GPC5: variants seen among roughly 807,000 people sequenced by gnomAD.
The protein encoded by GPC5 is glypican 5, also known as glypican-5.
GPC5 carries 47 observed loss-of-function variants against 53.9 expected under a neutral mutation model. That is an observed-to-expected ratio of 0.87 (90% confidence interval 0.69 to 1.11). GPC5 has a LOEUF of 1.11. Ranked by LOEUF, GPC5 falls within the 50% of genes most tolerant of loss-of-function variation. GPC5 has a pLI of 0.00. For synonymous variants in GPC5, 286 were observed against 263.3 expected, an observed-to-expected ratio of 1.09 and a Z score of -0.84; for missense variants, 748 against 713.1, an observed-to-expected ratio of 1.05 and a Z score of -0.56.
chr13:92,718,547 C>T (rs771241032), intron 7 of GPC5, among the ~76,000 whole-genome samples: 2 of 151,926 alleles, frequency 1.3e-5, no homozygotes, highest in Non-Finnish European at 2.9e-5. Flanking sequence ...TTATCAGGGG[C>T]TGGGAAGGGT....
At chr13:91,758,027 T>G (rs1267689212) in intron 5 of GPC5, among the ~76,000 whole-genome samples, 1 of 152,180 alleles carries the variant, frequency 6.6e-6, no homozygotes, top group South Asian at 2.1e-4. Flanking sequence ...TATCTGAATA[T>G]CTCATAGAGA....
intron 7 of GPC5, among the ~76,000 whole-genome samples, chr13:92,573,285 C>T (rs1351719167): frequency 6.6e-6 from 1 of 152,114 alleles, no homozygotes; most frequent in Non-Finnish European, 1.5e-5. Context: ...ATATAGTGAG[C>T]ATTTAATAGG....
chr13:91,915,437 T>C (rs1038880378), intron 6 of GPC5, among the ~76,000 whole-genome samples: 1 of 152,146 alleles, frequency 6.6e-6, no homozygotes, highest in Non-Finnish European at 1.5e-5. Flanking sequence ...TTTTTTAAAG[T>C]AATGGGATTG....
At chr13:92,642,753 G>C (rs910082282) in intron 7 of GPC5, among the ~76,000 whole-genome samples, 15 of 152,064 alleles carry the variant, frequency 9.9e-5, no homozygotes, top group South Asian at 2.1e-4. Context: ...TATTGTTATT[G>C]TTGTTGTTCC....
At chr13:91,427,983 A>G (rs1178048203) in intron 1 of GPC5, among the ~76,000 whole-genome samples, 1 of 152,112 alleles carries the variant, frequency 6.6e-6, no homozygotes, top group East Asian at 1.9e-4. Flanking sequence ...TTCTGCCATG[A>G]TTGTAAGTTT....
chr13:91,406,781 G>A (rs1195647831), intron 1 of GPC5, among the ~76,000 whole-genome samples: 2 of 152,132 alleles, frequency 1.3e-5, no homozygotes, highest in Non-Finnish European at 2.9e-5. Flanking sequence ...AAGGTCTCCT[G>A]TTGTGAGGGA....
At chr13:92,391,456 A>G (rs1399038877) in intron 7 of GPC5, among the ~76,000 whole-genome samples, 1 of 152,154 alleles carries the variant, frequency 6.6e-6, no homozygotes, top group Non-Finnish European at 1.5e-5. Context: ...TTATTTGACT[A>G]AGACCTAACC....
chr13:92,425,846 TTTAAG>T (rs1876808142), intron 7 of GPC5, among the ~76,000 whole-genome samples: 1 of 152,138 alleles, frequency 6.6e-6, no homozygotes, highest in Admixed American at 6.6e-5. Context: ...TTATCTTCAT[TTTAAG>T]TTGTTTTACT....
At chr13:91,883,565 A>T (rs1484350033) in intron 5 of GPC5, among the ~76,000 whole-genome samples, 1 of 152,176 alleles carries the variant, frequency 6.6e-6, no homozygotes, top group Non-Finnish European at 1.5e-5. Flanking sequence ...GCTTGGGCAA[A>T]AGCCCTGAGT....
At chr13:92,743,239 C>T (rs958841714) in intron 7 of GPC5, among the ~76,000 whole-genome samples, 26 of 151,948 alleles carry the variant, frequency 1.7e-4, no homozygotes, top group Admixed American at 1.6e-3. Flanking sequence ...CTTCCATTTA[C>T]TTGTATCCTC....
At chr13:91,918,524 C>T (rs1325707414) in intron 6 of GPC5, among the ~76,000 whole-genome samples, 1 of 151,924 alleles carries the variant, frequency 6.6e-6, no homozygotes, top group Non-Finnish European at 1.5e-5. Flanking sequence ...TTTTTGATAT[C>T]CCAATGTCTG....
chr13:92,812,443 T>C (rs2138800088), intron 7 of GPC5, among the ~76,000 whole-genome samples: 1 of 151,968 alleles, frequency 6.6e-6, no homozygotes, highest in East Asian at 1.9e-4. Context: ...AAAATTCACA[T>C]GATCATCTCA....
chr13:91,897,550 C>T (rs2039456095), intron 5 of GPC5, among the ~76,000 whole-genome samples: 1 of 152,018 alleles, frequency 6.6e-6, no homozygotes, highest in Non-Finnish European at 1.5e-5. Context: ...AGGCTCCCAT[C>T]CCTGATTCAA....
chr13:92,281,934 C>A lies in GPC5; in HGVS notation c.1561+136945C>A, dbSNP rs139105537. 2.6e-3 allele frequency among the ~76,000 whole-genome samples: 388 copies of A among 152,068 alleles called. 1 individual carries two copies. Among genetic ancestry groups the A allele is most frequent in the South Asian group, 8.7e-3 (42 of 4,816 alleles). ...CAGGTTGAGAGAAGAAGGCTTCAGA[C>A]GATCAAACTTCTCTGAGCTAAAGGA... On this transcript the variant is annotated intron_variant, in intron 7 of 7. Transcript: ENST00000377067.
Position 92,276,906 on chromosome 13 carries a change from A to G in GPC5, c.1561+131917A>G, listed in dbSNP as rs562096368. Reference sequence around the variant, plus strand: ...AATTTCAAATGATGATGCAAGTAGAATTTTACTCATCCAGAGGAGGTATAT... The same window carrying G: ...AATTTCAAATGATGATGCAAGTAGAGTTTTACTCATCCAGAGGAGGTATAT... On this transcript the variant is annotated intron_variant, in intron 7 of 7. Coordinates refer to ENST00000377067, the MANE Select transcript of GPC5 (RefSeq NM_004466.6). 5.9e-5 allele frequency among the ~76,000 whole-genome samples: 9 copies of G among 152,170 alleles called. No individual in the cohort carries two copies. The East Asian group carries it at 1.7e-3, about 29-fold the overall frequency.
intron 6 of GPC5, among the ~76,000 whole-genome samples, chr13:91,916,332 T>G (rs755873235): frequency 2.0e-5 from 3 of 152,170 alleles, no homozygotes; most frequent in South Asian, 2.1e-4. Context: ...CACAAAAACT[T>G]GTACATGATT....
At chr13:91,968,773 T>A (rs1217518423) in intron 6 of GPC5, among the ~76,000 whole-genome samples, 2 of 152,140 alleles carry the variant, frequency 1.3e-5, no homozygotes, top group Admixed American at 1.3e-4. Flanking sequence ...ATAATTCTTC[T>A]AAATATGCTT....
chr13:91,444,089 TC>T lies in GPC5; in HGVS notation c.164-4670del, dbSNP rs550776595. ...TATTTGTTGTCACTATCTTTCAAAT[TC>T]CTTCATTCTTTTTGATTTTTCAAAA... On this transcript the variant is annotated intron_variant, in intron 1 of 7. Transcript: ENST00000377067. Among the ~76,000 whole-genome samples the T allele has an allele frequency of 1.5e-3, 230 of 152,310 alleles. 2 individuals carry two copies. The highest frequency in any genetic ancestry group is 5.2e-3 in the African/African-American group (218 of 41,584).
intron 5 of GPC5, among the ~76,000 whole-genome samples, chr13:91,894,979 T>G (rs2039425444): frequency 6.6e-6 from 1 of 151,552 alleles, no homozygotes. Context: ...AGATAAAAAG[T>G]CTTTTATCAT....
Sources: gnomAD v4.1 joint callset for allele counts (sites outside exome capture counted in the v4.1 genomes callset) on GRCh38, gnomAD v4.1.1 for gene constraint, MANE v1.5 for transcripts, NCBI Gene and HGNC (gene_info 2026-07-23, HGNC 2026-07-21) for gene names.